Variants in AGAP1 observed in about 807,000 individuals in gnomAD.
The protein encoded by AGAP1 is ArfGAP with GTPase domain, ankyrin repeat and PH domain 1.
AGAP1 carries 29 observed loss-of-function variants against 105.3 expected under a neutral mutation model. That is an observed-to-expected ratio of 0.28 (90% CI 0.21 to 0.38). The LOEUF (loss-of-function observed/expected upper bound fraction) is 0.38. Among genes scored for constraint, AGAP1 ranks in the 10% least tolerant of loss-of-function variants. The pLI is 1.00. For synonymous variants in AGAP1, 509 were observed against 485.9 expected (o/e 1.05, Z -0.63); for missense variants, 998 against 1,165.1 (o/e 0.86, Z 2.09).
At position 235,797,802 on chromosome 2, in the gene AGAP1, C is replaced by T. The variant is rs141251996; in HGVS notation, c.717C>T (p.Ser239=). Residue 239 remains serine, a synonymous_variant, in exon 7 of 18, where the codon TCC becomes TCT. Coordinates refer to ENST00000304032, the MANE Select transcript of AGAP1 (RefSeq NM_001037131.3). ...CCACAAGGAAGAAGCAGCAGCTGTC[C>T]ATAGGACCCTGCAAGTCGCTACCTA... ...IVATRKKQQL[S]IGPCKSLPNS... 2.4e-5 allele frequency: 38 copies of T among 1,614,168 alleles called. No homozygotes were observed. The African/African-American group carries it at 2.7e-4, about 11-fold the overall frequency.
chr2:235,561,308 T>C (rs1046802961), intron 1 of AGAP1, among the ~76,000 whole-genome samples: 2 of 152,146 alleles, frequency 1.3e-5, no homozygotes, highest in African/African-American at 2.4e-5. Context: ...TTAGGAAACC[T>C]TGTAGGTCAG....
Position 235,971,749 on chromosome 2 carries a change from A to T in AGAP1, c.1645+3126A>T, listed in dbSNP as rs1157754169. 8.8e-4 allele frequency among the ~76,000 whole-genome samples: 95 copies of T among 108,412 alleles called. No individual in the cohort carries two copies. Among genetic ancestry groups the T allele is most frequent in the African/African-American group, 3.0e-3 (95 of 31,946 alleles). The allele number at this position is 108,412 out of a possible 152,430, so 71.1% of individuals were successfully genotyped here. On this transcript the variant is annotated intron_variant, in intron 13 of 17. Transcript: ENST00000304032. The surrounding 1 kb of genome is among the most constrained non-coding windows in gnomAD (Gnocchi z 4.8). ...TAGTTATATATGTTTTATTTTATTTATTTATTTATTTATTTATTTATTTAT... is the reference window on the plus strand; with the variant it reads ...TAGTTATATATGTTTTATTTTATTTTTTTATTTATTTATTTATTTATTTAT...
chr2:235,820,035 C>G (rs557292298), intron 9 of AGAP1, among the ~76,000 whole-genome samples: 39 of 151,986 alleles, frequency 2.6e-4, no homozygotes, highest in Non-Finnish European at 4.9e-4. Flanking sequence ...TCCCGGCTAG[C>G]TGAGATTACA....
At position 235,900,635 on chromosome 2, in the gene AGAP1, A is replaced by G. The variant is rs868592806; in HGVS notation, c.1156-8103A>G. Among the ~76,000 whole-genome samples, 8 of 152,194 alleles carry G rather than the reference A, an allele frequency of 5.3e-5. No homozygotes were observed. Among genetic ancestry groups the G allele is most frequent in the Non-Finnish European group, 1.0e-4 (7 of 68,040 alleles). ...CTGGAGAACTTTGCCTCAGCCCTGCAAAGTATTGTCACCTAGTTGGCATTG... is the reference window on the plus strand; with the variant it reads ...CTGGAGAACTTTGCCTCAGCCCTGCGAAGTATTGTCACCTAGTTGGCATTG... On this transcript the variant is annotated intron_variant, in intron 10 of 17. Transcript: ENST00000304032. The surrounding 1 kb of genome is among the most constrained non-coding windows in gnomAD (Gnocchi z 5.5).
chr2:235,563,197 A>G (rs373954457), intron 1 of AGAP1, among the ~76,000 whole-genome samples: 1 of 151,992 alleles, frequency 6.6e-6, no homozygotes, highest in African/African-American at 2.4e-5. Context: ...CATGCCTCGC[A>G]CCCTCCGAGC....
At position 236,012,086 on chromosome 2, in the gene AGAP1, T is replaced by A. The variant is rs1361068377; in HGVS notation, c.1646-24475T>A. On this transcript the variant is annotated intron_variant, in intron 13 of 17. Coordinates refer to ENST00000304032, the MANE Select transcript of AGAP1 (RefSeq NM_001037131.3). This position sits in a 1 kb window ranked among gnomAD's most constrained non-coding sequence, Gnocchi z 4.9. ...GGACCTTGGTATCAGCTAGAAAACA[T>A]CCATTTGTTTAAGGGGAAGAAACAG... 6.6e-6 allele frequency among the ~76,000 whole-genome samples: 1 copy of A among 152,092 alleles called. No homozygotes were observed. Among genetic ancestry groups the A allele is most frequent in the East Asian group, 1.9e-4 (1 of 5,190 alleles).
intron 1 of AGAP1, among the ~76,000 whole-genome samples, chr2:235,644,557 A>G (rs553050006): frequency 6.6e-6 from 1 of 152,122 alleles, no homozygotes. Context: ...CTGGAGACCA[A>G]CCATTTTCTC....
At chr2:235,779,363 A>T (rs1368085272) in intron 6 of AGAP1, among the ~76,000 whole-genome samples, 1 of 152,082 alleles carries the variant, frequency 6.6e-6, no homozygotes, top group Non-Finnish European at 1.5e-5. Flanking sequence ...GGCCTCGGCC[A>T]CTCTTGGGTT....
chr2:235,730,367 A>G (rs1271687754), intron 3 of AGAP1, among the ~76,000 whole-genome samples: 1 of 151,328 alleles, frequency 6.6e-6, no homozygotes, highest in African/African-American at 2.4e-5. Context: ...GCCATTGTGC[A>G]TCCGTCTCAG....
rs920672407 is a variant in AGAP1 at position 236,124,301 on chromosome 2, G to A, written c.*179G>A. 1 of 723,036 alleles carries A rather than the reference G, an allele frequency of 1.4e-6. No homozygotes were observed. The highest frequency in any genetic ancestry group is 1.8e-5 in the African/African-American group (1 of 55,910). 44.8% of individuals were successfully genotyped at this position (723,036 alleles called of 1,614,324 possible). On this transcript the variant is annotated 3_prime_UTR_variant, in exon 18 of 18. Transcript: ENST00000304032. This position sits in a 1 kb window ranked among gnomAD's most constrained non-coding sequence, Gnocchi z 5.1. ...TCACAAAACCTGGACATCCCTCAAG[G>A]GGCGAAGAGGCGGCCGGGAGACTGC...
chr2:235,718,537 A>G (rs954613900), intron 3 of AGAP1: 2 of 480,202 alleles, frequency 4.2e-6, no homozygotes, highest in African/African-American at 4.2e-5. Flanking sequence ...TCAGTTGAAC[A>G]TTCCACCCTG....
chr2:235,682,544 C>T (rs142201403), intron 1 of AGAP1, among the ~76,000 whole-genome samples: 2 of 151,938 alleles, frequency 1.3e-5, no homozygotes, highest in East Asian at 2.0e-4. Context: ...GGGGTTTTGC[C>T]ATGTTGGCCA....
In AGAP1 at chr2:236,120,537, G is replaced by C. The variant is rs1430399428; in HGVS notation, c.2370+90G>C. ...TCCGTGGGCATCTTTCTGGCAGAAGGCTGTTGTTCTCGATCTGCAAGTGGA... is the reference window on the plus strand; with the variant it reads ...TCCGTGGGCATCTTTCTGGCAGAAGCCTGTTGTTCTCGATCTGCAAGTGGA... On this transcript the variant is annotated intron_variant, in intron 17 of 17. Coordinates refer to ENST00000304032, the MANE Select transcript of AGAP1 (RefSeq NM_001037131.3). This position sits in a 1 kb window ranked among gnomAD's most constrained non-coding sequence, Gnocchi z 6.0. The C allele has an allele frequency of 8.3e-6, 13 of 1,569,344 alleles. No individual in the cohort carries two copies. The highest frequency in any genetic ancestry group is 1.1e-5 in the Non-Finnish European group (13 of 1,160,738).
chr2:236,118,685 A>G (rs1037807731), intron 16 of AGAP1, among the ~76,000 whole-genome samples: 1 of 152,060 alleles, frequency 6.6e-6, no homozygotes, highest in African/African-American at 2.4e-5. Context: ...CACTGCGCCC[A>G]GCCTCTTTTC....
rs1338684416 is a variant in AGAP1, at chr2:235,682,839, G to A, written c.164-26340G>A. On this transcript the variant is annotated intron_variant, in intron 1 of 17. Transcript: ENST00000304032. ...GTGTGTTTTCAGGCAGCACGAGCAC[G>A]GAATTCATGTTCCGGTCTGTTGCCA... is the stretch of plus-strand genomic sequence containing the variant. 2.9e-4 allele frequency among the ~76,000 whole-genome samples: 43 copies of A among 147,278 alleles called. 1 individual carries two copies. The highest frequency in any genetic ancestry group is 5.9e-4 in the East Asian group (3 of 5,112).
At chr2:235,706,321 T>C (rs1575180615) in intron 1 of AGAP1, among the ~76,000 whole-genome samples, 1 of 152,112 alleles carries the variant, frequency 6.6e-6, no homozygotes, top group Non-Finnish European at 1.5e-5. Context: ...GCCTCCTGGG[T>C]TGATGCCATT....
chr2:235,758,784 C>T (rs1954149760), intron 6 of AGAP1, among the ~76,000 whole-genome samples: 1 of 151,020 alleles, frequency 6.6e-6, no homozygotes. Context: ...GATCAAGTCA[C>T]GTAAGGCGTG....
rs970355287 is a variant in AGAP1, at chr2:235,700,661, A to G, written c.164-8518A>G. 2.0e-5 allele frequency among the ~76,000 whole-genome samples: 3 copies of G among 151,956 alleles called. No homozygotes were observed. The highest frequency in any genetic ancestry group is 4.8e-5 in the African/African-American group (2 of 41,364). On this transcript the variant is annotated intron_variant, in intron 1 of 17. Coordinates refer to ENST00000304032, the MANE Select transcript of AGAP1 (RefSeq NM_001037131.3). This position sits in a 1 kb window ranked among gnomAD's most constrained non-coding sequence, Gnocchi z 6.1. ...CTGAAAATACAAAAATTAGCCAGGC[A>G]TGGTAGCGCGTGCCTGTAGTCCCAG... is the stretch of plus-strand genomic sequence containing the variant.
Position 235,889,461 on chromosome 2 carries a change from G to T in AGAP1, c.1155+6012G>T, listed in dbSNP as rs944603251. Among the ~76,000 whole-genome samples the T allele has an allele frequency of 5.9e-5, 9 of 152,088 alleles. No homozygotes were observed. The highest frequency in any genetic ancestry group is 1.9e-4 in the African/African-American group (8 of 41,402). On this transcript the variant is annotated intron_variant, in intron 10 of 17. Coordinates refer to ENST00000304032, the MANE Select transcript of AGAP1 (RefSeq NM_001037131.3). The surrounding 1 kb of genome is among the most constrained non-coding windows in gnomAD (Gnocchi z 4.6). ...CATGACAAGGGACTTCAGCTGGGTG[G>T]TGGCCCTGGGATGTCACTTTCCTTC... is the stretch of plus-strand genomic sequence containing the variant.
Sources: allele counts gnomAD v4.1 joint callset (sites outside exome capture counted in the v4.1 genomes callset), GRCh38; gene constraint gnomAD v4.1.1; non-coding constraint Gnocchi (gnomAD v3.1); transcripts MANE v1.5; gene names NCBI Gene and HGNC (gene_info 2026-07-23, HGNC 2026-07-21).